The following DCLK1 variants were observed in gnomAD, a reference collection of about 807,000 sequenced individuals.
DCLK1 encodes the protein doublecortin like kinase 1.
DCLK1 carries 16 observed loss-of-function variants against 86.2 expected under a neutral mutation model. The observed-to-expected ratio is 0.19, with a 90% CI of 0.13 to 0.28. DCLK1 has a LOEUF of 0.28. Ranked by LOEUF, DCLK1 falls within the 10% of genes least tolerant of loss-of-function variation. DCLK1 has a pLI of 1.00. For missense variants in DCLK1, 590 were observed against 940.2 expected, an observed-to-expected ratio of 0.63 and a Z score of 4.87; for synonymous variants, 369 against 370.5, an observed-to-expected ratio of 1.00 and a Z score of 0.05.
chr13:36,073,729 A>G (rs1792090579), intron 3 of DCLK1, among the ~76,000 whole-genome samples: 1 of 152,150 alleles, frequency 6.6e-6, no homozygotes, highest in Admixed American at 6.5e-5. Flanking sequence ...TGGAGCTTGC[A>G]CATGTCCTTA....
chr13:35,859,767 T>G (rs997191515), intron 5 of DCLK1, among the ~76,000 whole-genome samples: 1 of 152,286 alleles, frequency 6.6e-6, no homozygotes, highest in East Asian at 1.9e-4. Context: ...TTGCTCCCTG[T>G]CCCCAAGATG....
chr13:36,128,927 T>A (rs557002622), intron 1 of DCLK1, among the ~76,000 whole-genome samples: 32 of 152,366 alleles, frequency 2.1e-4, no homozygotes, highest in African/African-American at 6.5e-4. Context: ...AAGTGAGCTC[T>A]CTTGTCTTCT....
At chr13:35,878,692 C>T (rs895640056) in intron 4 of DCLK1, among the ~76,000 whole-genome samples, 1 of 151,816 alleles carries the variant, frequency 6.6e-6, no homozygotes. Flanking sequence ...TGATGGATAC[C>T]CCATTTACCC....
At chr13:35,792,865 G>A (rs570955190) in intron 16 of DCLK1, among the ~76,000 whole-genome samples, 2 of 152,270 alleles carry the variant, frequency 1.3e-5, no homozygotes, top group African/African-American at 2.4e-5. Context: ...TCGTGACTTC[G>A]TTGGGTGTTC....
chr13:35,912,956 T>A (rs535612754), intron 4 of DCLK1, among the ~76,000 whole-genome samples: 7 of 152,090 alleles, frequency 4.6e-5, no homozygotes, highest in Non-Finnish European at 1.0e-4. Flanking sequence ...GCGCCCAGAG[T>A]AGCTGGCCGG....
intron 3 of DCLK1, among the ~76,000 whole-genome samples, chr13:35,983,894 G>C (rs887338575): frequency 6.6e-6 from 1 of 152,130 alleles, no homozygotes; most frequent in Non-Finnish European, 1.5e-5. Context: ...TGGAAATCTG[G>C]GTTTGACTTG....
At chr13:35,825,708 C>T (rs2087504461) in intron 10 of DCLK1, among the ~76,000 whole-genome samples, 1 of 152,116 alleles carries the variant, frequency 6.6e-6, no homozygotes, top group Non-Finnish European at 1.5e-5. Context: ...CTCCTTGGTA[C>T]TGGGGAAAGT....
chr13:35,855,252 C>T (rs916720255), intron 5 of DCLK1, among the ~76,000 whole-genome samples: 1 of 152,166 alleles, frequency 6.6e-6, no homozygotes, highest in Admixed American at 6.5e-5. Context: ...GTTTTATGCA[C>T]ATTTTCACTA....
intron 3 of DCLK1, among the ~76,000 whole-genome samples, chr13:35,996,677 G>A (rs528970854): frequency 6.6e-6 from 1 of 150,636 alleles, no homozygotes; most frequent in South Asian, 2.1e-4. Context: ...CGATGTTCAC[G>A]TGAGTTCCTT....
At chr13:36,066,057 TAACAAC>T (rs908741534) in intron 3 of DCLK1, among the ~76,000 whole-genome samples, 33 of 152,252 alleles carry the variant, frequency 2.2e-4, no homozygotes, top group African/African-American at 7.7e-4. Context: ...GATATCAGAA[TAACAAC>T]AACTTCATCG....
intron 10 of DCLK1, among the ~76,000 whole-genome samples, chr13:35,827,077 C>T (rs1395844695): frequency 4.6e-5 from 7 of 152,114 alleles, no homozygotes; most frequent in African/African-American, 7.2e-5. Context: ...TTGGCTATCC[C>T]GATAGTTTGT....
chr13:35,857,601 G>T (rs1270636217), intron 5 of DCLK1, among the ~76,000 whole-genome samples: 1 of 152,200 alleles, frequency 6.6e-6, no homozygotes, highest in Non-Finnish European at 1.5e-5. Flanking sequence ...CATCTCCTTT[G>T]CTGTGTGTCT....
chr13:35,905,413 A>T (rs1027528182), intron 4 of DCLK1, among the ~76,000 whole-genome samples: 1 of 152,108 alleles, frequency 6.6e-6, no homozygotes, highest in Non-Finnish European at 1.5e-5. Flanking sequence ...AGAAGATCCC[A>T]CCCTATCCCA....
intron 4 of DCLK1, among the ~76,000 whole-genome samples, chr13:35,879,212 G>GT (rs1167387259): frequency 6.6e-6 from 1 of 152,200 alleles, no homozygotes; most frequent in African/African-American, 2.4e-5. Context: ...GATTTTAAAA[G>GT]TACCTTCTAA....
At chr13:35,945,737 A>C (rs528631874) in intron 4 of DCLK1, among the ~76,000 whole-genome samples, 78 of 152,260 alleles carry the variant, frequency 5.1e-4, no homozygotes, top group Middle Eastern at 3.4e-3. Flanking sequence ...CTGTTCTTAA[A>C]ATGGTGGCGT....
chr13:35,855,672 G>C (rs372346920), intron 5 of DCLK1: 54 of 1,409,896 alleles, frequency 3.8e-5, no homozygotes, highest in East Asian at 3.5e-4. Flanking sequence ...TGAGATGCAG[G>C]ATTCATCAGC....
At chr13:36,033,860 G>A (rs1427872121) in intron 3 of DCLK1, among the ~76,000 whole-genome samples, 1 of 152,212 alleles carries the variant, frequency 6.6e-6, no homozygotes, top group Non-Finnish European at 1.5e-5. Flanking sequence ...GGGAGGTGGA[G>A]GTTGTGGTGA....
At chr13:35,828,961 T>C (rs952723014) in intron 8 of DCLK1, among the ~76,000 whole-genome samples, 3 of 152,180 alleles carry the variant, frequency 2.0e-5, no homozygotes, top group Non-Finnish European at 4.4e-5. Flanking sequence ...GGAGAACTCA[T>C]AGATGATATG....
At chr13:35,883,289 G>T (rs1052871020) in intron 4 of DCLK1, among the ~76,000 whole-genome samples, 1 of 152,154 alleles carries the variant, frequency 6.6e-6, no homozygotes, top group Non-Finnish European at 1.5e-5. Context: ...TGGATCCCTC[G>T]AGAATGTCTT....
Sources: gnomAD v4.1 joint callset for allele counts (sites outside exome capture counted in the v4.1 genomes callset) on GRCh38, gnomAD v4.1.1 for gene constraint, MANE v1.5 for transcripts, NCBI Gene and HGNC (gene_info 2026-07-23, HGNC 2026-07-21) for gene names.